Variants in ECT2L observed in about 807,000 individuals in gnomAD.
ECT2L encodes the protein epithelial cell-transforming sequence 2 oncogene-like.
Under a neutral mutation model 122.8 loss-of-function variants are expected in ECT2L, and 126 were observed. The observed-to-expected ratio is 1.03, with a 90% confidence interval of 0.89 to 1.19. ECT2L has a LOEUF of 1.19. Among genes scored for constraint, ECT2L ranks in the 50% most tolerant of loss-of-function variants. The pLI, the probability that ECT2L is intolerant of heterozygous loss-of-function variation, is 0.00. For missense variants in ECT2L, 1,012 were observed against 1,064.1 expected, an observed-to-expected ratio of 0.95 and a Z score of 0.68; for synonymous variants, 385 against 381.8, an observed-to-expected ratio of 1.01 and a Z score of -0.10.
At chr6:138,870,760 GCAC>G (rs1778224901) in intron 13 of ECT2L, among the ~76,000 whole-genome samples, 1 of 152,280 alleles carries the variant, frequency 6.6e-6, no homozygotes, top group East Asian at 1.9e-4. Context: ...TGCAATCCCA[GCAC>G]TTTGGGAGGC....
At chr6:138,859,415 G>C (rs1185634765) in intron 10 of ECT2L, among the ~76,000 whole-genome samples, 1 of 152,178 alleles carries the variant, frequency 6.6e-6, no homozygotes, top group African/African-American at 2.4e-5. Context: ...AGAGTGGCAA[G>C]GTTATATGTA....
intron 13 of ECT2L, among the ~76,000 whole-genome samples, chr6:138,871,792 G>A (rs1179692000): frequency 6.6e-6 from 1 of 151,674 alleles, no homozygotes; most frequent in African/African-American, 2.4e-5. Context: ...GCCATAGAGT[G>A]AGACCCTATC....
At chr6:138,831,991 T>C (rs1234731727) in intron 4 of ECT2L, among the ~76,000 whole-genome samples, 2 of 152,134 alleles carry the variant, frequency 1.3e-5, no homozygotes, top group East Asian at 3.9e-4. Context: ...AACTCTCCTA[T>C]GGATAATAGT....
chr6:138,889,032 G>A lies in ECT2L; in HGVS notation c.2414+1G>A. 1 of 1,523,380 alleles carries A rather than the reference G, an allele frequency of 6.6e-7. No individual in the cohort carries two copies. Among genetic ancestry groups the A allele is most frequent in the South Asian group, 1.3e-5 (1 of 77,100 alleles). 94.4% of individuals were successfully genotyped at this position (1,523,380 alleles called of 1,614,324 possible). ...ATGAAGAAATAAGTTTCTCTTTAAGGTAAACAATAGTTAACTATCCTAAGG... is the reference window on the plus strand; with the variant it reads ...ATGAAGAAATAAGTTTCTCTTTAAGATAAACAATAGTTAACTATCCTAAGG... On this transcript the variant is annotated splice_donor_variant, in intron 20 of 21. Coordinates refer to ENST00000541398, the MANE Select transcript of ECT2L (RefSeq NM_001077706.3). LOFTEE classifies it high-confidence loss of function.
At chr6:138,814,752 GTGCCT>G (rs1361522162) in intron 4 of ECT2L, 149 bp downstream of exon 4, 3 of 533,592 alleles carry the variant, frequency 5.6e-6, no homozygotes, top group Non-Finnish European at 9.8e-6. Flanking sequence ...GACTTTTCCA[GTGCCT>G]GCTTTTGCCT....
rs759531742 is a variant in ECT2L at position 138,881,106 on chromosome 6, G to A, written c.1815G>A (p.Ala605=). 4.3e-5 allele frequency: 70 copies of A among 1,614,044 alleles called. No individual in the cohort carries two copies. The South Asian group carries it at 6.9e-4, about 16-fold the overall frequency. Residue 605 remains alanine (A), a synonymous_variant, in exon 15 of 22, where the codon GCG becomes GCA. Transcript: ENST00000541398. ...PLKAALSSNR[A]ILSAANIQII... ...AAGCAGCATTGTCATCAAACAGAGC[G>A]ATTCTGAGTGCTGCCAATATCCAGA...
intron 8 of ECT2L, among the ~76,000 whole-genome samples, chr6:138,848,432 TAAAG>T (rs1197143555): frequency 6.6e-6 from 1 of 151,984 alleles, no homozygotes; most frequent in African/African-American, 2.4e-5. Flanking sequence ...AATATAAAAA[TAAAG>T]GAAGCACAAA....
intron 4 of ECT2L, among the ~76,000 whole-genome samples, chr6:138,836,370 C>A (rs1363281775): frequency 6.6e-6 from 1 of 150,430 alleles, no homozygotes; most frequent in East Asian, 2.0e-4. Flanking sequence ...CTCACTGCAA[C>A]CTCCACCTCC....
Position 138,893,173 on chromosome 6 carries a change from TG to T in ECT2L, c.2414+4143del, listed in dbSNP as rs1198187537. Among the ~76,000 whole-genome samples the T allele has an allele frequency of 9.4e-4, 135 of 143,548 alleles. No individual in the cohort carries two copies. The Middle Eastern group carries it at 0.021, about 22-fold the overall frequency. The allele number at this position is 143,548 out of a possible 152,430, so 94.2% of individuals were successfully genotyped here. A position where few individuals can be genotyped will look rare whatever the true frequency, so the allele number is the denominator to read the frequency against. On this transcript the variant is annotated intron_variant, in intron 20 of 21. Coordinates refer to ENST00000541398, the MANE Select transcript of ECT2L (RefSeq NM_001077706.3). The stretch of plus-strand genomic sequence containing the variant: ...TCACAAGTGCTTCTCAGTTTTTTTT[TG>T]TTTTTTTTTTGTTTTTTTTTGTTTT...
intron 1 of ECT2L, among the ~76,000 whole-genome samples, chr6:138,803,392 G>T (rs374671265): frequency 2.0e-5 from 3 of 151,882 alleles, no homozygotes; most frequent in Non-Finnish European, 4.4e-5. Flanking sequence ...CAGAGACAGC[G>T]ACTATTCTTT....
intron 14 of ECT2L, among the ~76,000 whole-genome samples, chr6:138,877,513 TACAG>T (rs1288907575): frequency 6.6e-6 from 1 of 152,148 alleles, no homozygotes; most frequent in African/African-American, 2.4e-5. Flanking sequence ...AATATATACA[TACAG>T]AAATACACAT....
In ECT2L at chr6:138,846,868, G is replaced by A. The variant is rs536223971; in HGVS notation, c.903+191G>A. On this transcript the variant is annotated intron_variant, in intron 8 of 21. Transcript: ENST00000541398. ...TCCCAGCTACTCAGAAGGCTGAGGT[G>A]GGAGGATCACTGGAGCCCAGGAGAT... Among the ~76,000 whole-genome samples, 33 of 151,232 alleles carry A rather than the reference G, an allele frequency of 2.2e-4. No homozygotes were observed. In the East Asian group the frequency reaches 6.5e-3, roughly 30 times the overall value.
intron 7 of ECT2L, among the ~76,000 whole-genome samples, chr6:138,845,333 C>T (rs767384304): frequency 2.8e-4 from 42 of 151,858 alleles, no homozygotes; most frequent in Middle Eastern, 3.4e-3. Flanking sequence ...AACTCTGCCT[C>T]CTGGGTTCAA....
rs201725232 is a variant in ECT2L, at chr6:138,823,247, G to C, written c.179+8644G>C. ...TCTGTGTCTGGATGGCTGCCATCTTGCTGAGCATACCCCAGCTGGTTTTTT... is the reference window on the plus strand; with the variant it reads ...TCTGTGTCTGGATGGCTGCCATCTTCCTGAGCATACCCCAGCTGGTTTTTT... On this transcript the variant is annotated intron_variant, in intron 4 of 21. Transcript: ENST00000541398. The C allele has an allele frequency of 3.1e-3, 4,808 of 1,561,512 alleles. 55 individuals are homozygous for C. The highest frequency in any genetic ancestry group is 4.0e-3 in the Middle Eastern group (23 of 5,760).
chr6:138,899,006 G>T (rs755765591), intron 20 of ECT2L, among the ~76,000 whole-genome samples: 1 of 152,140 alleles, frequency 6.6e-6, no homozygotes, highest in Non-Finnish European at 1.5e-5. Flanking sequence ...TCTGAAGAAA[G>T]GGAAACCATA....
At chr6:138,871,904 G>C (rs9495277) in intron 13 of ECT2L, among the ~76,000 whole-genome samples, 57,835 of 151,632 alleles carry the variant, frequency 0.38, 11,431 homozygotes, top group African/African-American at 0.47. Context: ...TCCCCTCCCC[G>C]ACAAAGTGCC....
intron 14 of ECT2L, among the ~76,000 whole-genome samples, chr6:138,877,049 T>G (rs1778476508): frequency 6.6e-6 from 1 of 152,180 alleles, no homozygotes; most frequent in Admixed American, 6.5e-5. Flanking sequence ...TTTTGTTTTC[T>G]TCAACACACA....
Position 138,881,159 on chromosome 6 carries a change from T to TA in ECT2L, c.1870dup (p.Ser624LysfsTer9), listed in dbSNP as rs1169738021. 1 of 1,613,896 alleles carries TA rather than the reference T, an allele frequency of 6.2e-7. No homozygotes were observed. Among genetic ancestry groups the TA allele is most frequent in the African/African-American group, 1.3e-5 (1 of 74,934 alleles). ...ATTTTCTGTGACATTCTACAGATTT[T>TA]AAGTCTCAACAGGTAAACCCTGAAT... On this transcript the variant is annotated frameshift_variant, in exon 15 of 22. Coordinates refer to ENST00000541398, the MANE Select transcript of ECT2L (RefSeq NM_001077706.3). LOFTEE classifies it high-confidence loss of function.
intron 4 of ECT2L, among the ~76,000 whole-genome samples, chr6:138,837,641 CAAA>C (rs56775844): frequency 7.0e-6 from 1 of 142,800 alleles, no homozygotes; most frequent in Admixed American, 6.9e-5. Context: ...GCACTGGTCT[CAAA>C]AAAAAAAAAA....
Sources: allele counts gnomAD v4.1 joint callset (sites outside exome capture counted in the v4.1 genomes callset), GRCh38; gene constraint gnomAD v4.1.1; transcripts MANE v1.5; gene names NCBI Gene and HGNC (gene_info 2026-07-23, HGNC 2026-07-21).